Variants in CDH12 observed in about 807,000 individuals in gnomAD.
CDH12 encodes cadherin 12, also known as cadherin-12.
Under a neutral mutation model 74.1 loss-of-function variants are expected in CDH12, and 41 were observed. That is an observed-to-expected ratio of 0.55 (90% CI 0.43 to 0.72). The LOEUF (loss-of-function observed/expected upper bound fraction) is 0.72. Among genes scored for constraint, CDH12 ranks in the 30% least tolerant of loss-of-function variants. The probability of loss-of-function intolerance (pLI) is 0.00; values close to 1 mark genes in which losing one functional copy is unlikely to be tolerated. For missense variants in CDH12, 945 were observed against 977.2 expected (o/e 0.97, Z 0.44); for synonymous variants, 399 against 355.0 (o/e 1.12, Z -1.39).
At chr5:22,780,526 C>A (rs1747334219) in intron 1 of CDH12, among the ~76,000 whole-genome samples, 1 of 152,028 alleles carries the variant, frequency 6.6e-6, no homozygotes, top group South Asian at 2.1e-4. Flanking sequence ...AGGAGAAGTA[C>A]AGAGCAAAGG....
chr5:21,836,091 T>A (rs577245391), intron 8 of CDH12, among the ~76,000 whole-genome samples: 1 of 151,938 alleles, frequency 6.6e-6, no homozygotes, highest in South Asian at 2.1e-4. Flanking sequence ...ACATTCTGGC[T>A]GATGCTTTTA....
chr5:22,472,374 C>T (rs1745997061), intron 2 of CDH12, among the ~76,000 whole-genome samples: 1 of 152,068 alleles, frequency 6.6e-6, no homozygotes, highest in African/African-American at 2.4e-5. Context: ...CCTTCCTCTT[C>T]TCTCTCTAAA....
At chr5:22,816,887 A>ACATAGG (rs1360811291) in intron 1 of CDH12, among the ~76,000 whole-genome samples, 1 of 152,194 alleles carries the variant, frequency 6.6e-6, no homozygotes, top group Non-Finnish European at 1.5e-5. Context: ...TTTGCCACAT[A>ACATAGG]CATAGGAAAG....
chr5:22,329,316 A>G (rs1464980660), intron 3 of CDH12, among the ~76,000 whole-genome samples: 2 of 152,224 alleles, frequency 1.3e-5, no homozygotes, highest in African/African-American at 2.4e-5. Flanking sequence ...AACCTCCTTT[A>G]AAAAGCTGGA....
chr5:22,420,768 T>C (rs974590925), intron 2 of CDH12, among the ~76,000 whole-genome samples: 6 of 152,188 alleles, frequency 3.9e-5, no homozygotes, highest in African/African-American at 1.4e-4. Flanking sequence ...ATTGAATCTA[T>C]AAATTACTTT....
intron 12 of CDH12, among the ~76,000 whole-genome samples, chr5:21,760,906 C>T (rs926531299): frequency 2.0e-5 from 3 of 152,030 alleles, no homozygotes; most frequent in Non-Finnish European, 4.4e-5. Context: ...TTGATACCTG[C>T]GTAACTAAAA....
intron 3 of CDH12, among the ~76,000 whole-genome samples, chr5:22,306,250 G>A (rs950116705): frequency 3.3e-5 from 5 of 152,094 alleles, no homozygotes; most frequent in African/African-American, 1.2e-4. Context: ...TTTATTCATC[G>A]GAGTGTAACA....
At chr5:21,965,978 TA>T (rs1217419628) in intron 6 of CDH12, among the ~76,000 whole-genome samples, 2 of 152,070 alleles carry the variant, frequency 1.3e-5, no homozygotes, top group African/African-American at 4.8e-5. Flanking sequence ...AAGAAACCTT[TA>T]CCATGAGTCT....
At chr5:22,772,141 G>A (rs890819624) in intron 1 of CDH12, among the ~76,000 whole-genome samples, 4 of 151,956 alleles carry the variant, frequency 2.6e-5, no homozygotes, top group Admixed American at 2.6e-4. Flanking sequence ...TTCTATATTA[G>A]ATAGGAGAGC....
At chr5:22,024,348 A>G (rs1738200479) in intron 5 of CDH12, among the ~76,000 whole-genome samples, 1 of 152,180 alleles carries the variant, frequency 6.6e-6, no homozygotes. Flanking sequence ...AAAATAGCAG[A>G]CAATACTCTT....
chr5:22,404,444 C>G (rs926691183), intron 3 of CDH12, among the ~76,000 whole-genome samples: 1 of 152,038 alleles, frequency 6.6e-6, no homozygotes, highest in African/African-American at 2.4e-5. Context: ...TTATCCTTCT[C>G]ATCAAGAAGC....
intron 2 of CDH12, among the ~76,000 whole-genome samples, chr5:22,407,096 T>C (rs1368132768): frequency 6.6e-6 from 1 of 152,086 alleles, no homozygotes; most frequent in African/African-American, 2.4e-5. Context: ...AAATTCAATC[T>C]GAATCTCTAA....
chr5:21,858,483 C>T (rs988913034), intron 6 of CDH12, among the ~76,000 whole-genome samples: 6 of 151,844 alleles, frequency 4.0e-5, no homozygotes, highest in African/African-American at 1.5e-4. Context: ...AGAATTCATA[C>T]ATATAATATC....
chr5:22,826,536 C>A (rs1002227339), intron 1 of CDH12, among the ~76,000 whole-genome samples: 1 of 152,184 alleles, frequency 6.6e-6, no homozygotes, highest in South Asian at 2.1e-4. Flanking sequence ...CAGAAGAAGA[C>A]AGGAAAATGT....
chr5:22,098,335 C>T (rs1743923076), intron 4 of CDH12, among the ~76,000 whole-genome samples: 1 of 152,130 alleles, frequency 6.6e-6, no homozygotes, highest in East Asian at 1.9e-4. Context: ...CTCCCAAACC[C>T]CAATCCCTTC....
chr5:22,525,405 G>A (rs1217876156), intron 1 of CDH12, among the ~76,000 whole-genome samples: 4 of 152,040 alleles, frequency 2.6e-5, no homozygotes, highest in Non-Finnish European at 5.9e-5. Flanking sequence ...ACATCAGGAA[G>A]CAATGGTATG....
intron 1 of CDH12, among the ~76,000 whole-genome samples, chr5:22,756,015 G>C (rs191881531): frequency 9.4e-4 from 134 of 142,828 alleles, no homozygotes; most frequent in African/African-American, 3.4e-3. Flanking sequence ...TCTTGATGCT[G>C]TAAATCTCCC....
intron 3 of CDH12, among the ~76,000 whole-genome samples, chr5:22,252,560 C>T (rs1466302563): frequency 6.6e-6 from 1 of 152,014 alleles, no homozygotes; most frequent in East Asian, 1.9e-4. Context: ...CTTTATATTA[C>T]TTTACCTCTC....
At chr5:22,110,910 T>C (rs1168668982) in intron 4 of CDH12, among the ~76,000 whole-genome samples, 1 of 152,096 alleles carries the variant, frequency 6.6e-6, no homozygotes, top group Non-Finnish European at 1.5e-5. Context: ...AAGCCCAAAA[T>C]AATTAAAGAC....
Sources: gnomAD v4.1 joint callset for allele counts (sites outside exome capture counted in the v4.1 genomes callset) on GRCh38, gnomAD v4.1.1 for gene constraint, MANE v1.5 for transcripts, NCBI Gene and HGNC (gene_info 2026-07-23, HGNC 2026-07-21) for gene names.